Variants in RPS6KC1 observed in about 807,000 individuals in gnomAD.
The protein encoded by RPS6KC1 is ribosomal protein S6 kinase C1.
A neutral mutation model predicts 103.8 loss-of-function variants in RPS6KC1; 54 were observed. That is an observed-to-expected ratio of 0.52 (90% CI 0.42 to 0.65). The LOEUF (loss-of-function observed/expected upper bound fraction) is 0.65. Ranked by LOEUF, RPS6KC1 falls within the 30% of genes least tolerant of loss-of-function variation. RPS6KC1 has a pLI of 0.00. For missense variants in RPS6KC1, 1,151 were observed against 1,253.8 expected (o/e 0.92, Z 1.24); for synonymous variants, 439 against 438.7 (o/e 1.00, Z -0.01).
the RPS6KC1 span, among the ~76,000 whole-genome samples, chr1:213,478,043 T>C: frequency 1.3e-5 from 2 of 152,188 alleles, no homozygotes; most frequent in South Asian, 4.1e-4. Context: ...CCTTCTTCCC[T>C]CTAACCCCGA....
intron 6 of RPS6KC1, among the ~76,000 whole-genome samples, chr1:213,154,115 ATCTC>A (rs571696927): frequency 6.6e-6 from 1 of 150,814 alleles, no homozygotes; most frequent in Non-Finnish European, 1.5e-5. Context: ...AACATATAAA[ATCTC>A]TCTCTCTGTT....
chr1:213,348,437 G>A, the RPS6KC1 span, among the ~76,000 whole-genome samples: 21 of 152,186 alleles, frequency 1.4e-4, 1 homozygote, highest in Admixed American at 1.1e-3. Context: ...GTCTTTCAAG[G>A]GTGCTCTGCA....
intron 3 of RPS6KC1, among the ~76,000 whole-genome samples, chr1:213,094,930 G>A (rs1163012011): frequency 6.6e-6 from 1 of 152,082 alleles, no homozygotes; most frequent in Non-Finnish European, 1.5e-5. Context: ...CATAACCTTA[G>A]CCTTGCTTTA....
At chr1:213,647,537 A>G in the RPS6KC1 span, among the ~76,000 whole-genome samples, 1 of 152,124 alleles carries the variant, frequency 6.6e-6, no homozygotes, top group Non-Finnish European at 1.5e-5. Context: ...ATGACCTTAG[A>G]CAAGTCCCCA....
the RPS6KC1 span, among the ~76,000 whole-genome samples, chr1:213,781,518 A>C: frequency 6.6e-6 from 1 of 152,202 alleles, no homozygotes; most frequent in African/African-American, 2.4e-5. Flanking sequence ...ATTTTAGGGA[A>C]ATCATATCAT....
In RPS6KC1 at chr1:213,051,398, C is replaced by A. The variant is rs1259175470; in HGVS notation, c.-7C>A. 3.7e-6 allele frequency: 6 copies of A among 1,606,544 alleles called. No individual in the cohort carries two copies. The African/African-American group carries it at 8.0e-5, about 21-fold the overall frequency. Reference sequence around the variant, plus strand: ...CGGGTGGCGGCGGCGGCAGAGGCGGCGGGAGGATGACCTCTTACCGGGAGC... The same window carrying A: ...CGGGTGGCGGCGGCGGCAGAGGCGGAGGGAGGATGACCTCTTACCGGGAGC... On this transcript the variant is annotated 5_prime_UTR_variant, in exon 1 of 15. Transcript: ENST00000366960.
chr1:213,636,506 A>C, the RPS6KC1 span, among the ~76,000 whole-genome samples: 1 of 152,176 alleles, frequency 6.6e-6, no homozygotes, highest in Non-Finnish European at 1.5e-5. Context: ...CAAAAACAAG[A>C]AATGGGGAAA....
At chr1:213,425,946 T>C in the RPS6KC1 span, among the ~76,000 whole-genome samples, 2 of 152,124 alleles carry the variant, frequency 1.3e-5, no homozygotes, top group African/African-American at 4.8e-5. Context: ...GAGGGAGGAA[T>C]GTCCCCGAGT....
chr1:213,304,846 TG>T, the RPS6KC1 span, among the ~76,000 whole-genome samples: 3 of 152,124 alleles, frequency 2.0e-5, no homozygotes, highest in South Asian at 6.2e-4. Context: ...CAGCAAATTT[TG>T]CGTCTTTTTA....
the RPS6KC1 span, chr1:213,840,552 A>T: frequency 1.3e-5 from 2 of 152,336 alleles, no homozygotes; most frequent in African/African-American, 4.8e-5. Context: ...GGAAACTTGG[A>T]AAGGGTTTTC....
downstream of RPS6KC1, among the ~76,000 whole-genome samples, chr1:213,279,489 C>A (rs1480125801): frequency 6.6e-6 from 1 of 152,162 alleles, no homozygotes; most frequent in Non-Finnish European, 1.5e-5. Context: ...TAATGATATT[C>A]ACTATTCAGA....
the RPS6KC1 span, among the ~76,000 whole-genome samples, chr1:213,627,943 G>C: frequency 1.3e-5 from 2 of 152,212 alleles, no homozygotes; most frequent in African/African-American, 4.8e-5. Flanking sequence ...CTCATAAAAT[G>C]AGTTAGGGAG....
chr1:213,638,303 A>G, the RPS6KC1 span, among the ~76,000 whole-genome samples: 1 of 152,040 alleles, frequency 6.6e-6, no homozygotes, highest in African/African-American at 2.4e-5. Context: ...TGATTTGCAA[A>G]TATTTTCTCC....
At chr1:213,860,407 A>AC in the RPS6KC1 span, among the ~76,000 whole-genome samples, 3 of 150,214 alleles carry the variant, frequency 2.0e-5, no homozygotes, top group Admixed American at 6.6e-5. Flanking sequence ...AAGAGAAACA[A>AC]AAAAAAAATA....
the RPS6KC1 span, among the ~76,000 whole-genome samples, chr1:213,440,277 C>T: frequency 6.6e-6 from 1 of 152,138 alleles, no homozygotes; most frequent in African/African-American, 2.4e-5. Context: ...ATATGTCAGG[C>T]TCAGGGCTAA....
At chr1:213,786,095 A>T in the RPS6KC1 span, among the ~76,000 whole-genome samples, 2 of 152,146 alleles carry the variant, frequency 1.3e-5, no homozygotes, top group Non-Finnish European at 2.9e-5. Flanking sequence ...GGATGGGAAT[A>T]AAGCTAGGGA....
chr1:213,200,896 A>G (rs893207162), intron 8 of RPS6KC1, among the ~76,000 whole-genome samples: 1 of 152,162 alleles, frequency 6.6e-6, no homozygotes, highest in Non-Finnish European at 1.5e-5. Context: ...GCATGTTCCT[A>G]CTTACAAGTG....
At chr1:213,490,247 T>C in the RPS6KC1 span, among the ~76,000 whole-genome samples, 3 of 152,136 alleles carry the variant, frequency 2.0e-5, no homozygotes, top group East Asian at 5.8e-4. Flanking sequence ...AAAACTCAGG[T>C]CCCTTTCCTT....
the RPS6KC1 span, among the ~76,000 whole-genome samples, chr1:213,827,099 A>G: frequency 6.6e-6 from 1 of 152,296 alleles, no homozygotes; most frequent in African/African-American, 2.4e-5. Flanking sequence ...GGCCTTTTGC[A>G]TATGTGTGAC....
Sources: allele counts gnomAD v4.1 joint callset (sites outside exome capture counted in the v4.1 genomes callset), GRCh38; gene constraint gnomAD v4.1.1; transcripts MANE v1.5; gene names NCBI Gene and HGNC (gene_info 2026-07-23, HGNC 2026-07-21).